PRKAA1: variants seen among roughly 807,000 people sequenced by gnomAD.
The protein encoded by PRKAA1 is protein kinase AMP-activated catalytic subunit alpha 1.
A neutral mutation model predicts 56.9 loss-of-function variants in PRKAA1; 23 were observed. That is an observed-to-expected ratio of 0.40 (90% CI 0.29 to 0.57). The LOEUF is 0.57. PRKAA1 is among the 20% of genes least tolerant of loss of function. The pLI is 0.39. For missense variants in PRKAA1, 413 were observed against 679.7 expected (o/e 0.61, Z 4.36); for synonymous variants, 226 against 227.0 (o/e 1.00, Z 0.04).
At chr5:40,797,945 G>A (rs1561194681) in intron 1 of PRKAA1, 118 bp downstream of exon 1, 3 of 1,488,386 alleles carry the variant, frequency 2.0e-6, no homozygotes, top group South Asian at 1.2e-5. Flanking sequence ...TCCGGGACAG[G>A]GGCTGCCCAG....
At chr5:40,781,120 G>A (rs1744250452) in intron 1 of PRKAA1, among the ~76,000 whole-genome samples, 1 of 152,132 alleles carries the variant, frequency 6.6e-6, no homozygotes, top group Non-Finnish European at 1.5e-5. Flanking sequence ...TTGGCTTTCA[G>A]CATTTCAACA....
intron 1 of PRKAA1, among the ~76,000 whole-genome samples, chr5:40,786,831 C>T (rs1186148000): frequency 6.9e-6 from 1 of 144,486 alleles, no homozygotes; most frequent in African/African-American, 2.6e-5. Flanking sequence ...TGGTGGTGCA[C>T]GCCTGTAATC....
At chr5:40,774,971 T>C in intron 3 of PRKAA1, 1 of 1,600,646 alleles carries the variant, frequency 6.2e-7, no homozygotes, top group Non-Finnish European at 8.6e-7. Flanking sequence ...TACATCAGAT[T>C]TCTGAAACCA....
At chr5:40,768,031 T>A (rs960644173) in intron 5 of PRKAA1, among the ~76,000 whole-genome samples, 1 of 152,186 alleles carries the variant, frequency 6.6e-6, no homozygotes, top group Non-Finnish European at 1.5e-5. Flanking sequence ...TTTCATCAAC[T>A]GAGAATGTTC....
intron 4 of PRKAA1, among the ~76,000 whole-genome samples, chr5:40,770,985 T>A (rs1296609766): frequency 6.6e-6 from 1 of 152,072 alleles, no homozygotes; most frequent in Non-Finnish European, 1.5e-5. Context: ...TAAATTTTTT[T>A]AATTAAAAAA....
intron 1 of PRKAA1, among the ~76,000 whole-genome samples, chr5:40,790,972 T>C (rs1254523475): frequency 1.3e-5 from 2 of 152,232 alleles, no homozygotes; most frequent in African/African-American, 2.4e-5. Flanking sequence ...TAAGAGATTC[T>C]GTAAGTTGTG....
intron 1 of PRKAA1, among the ~76,000 whole-genome samples, chr5:40,780,195 T>C (rs967525718): frequency 1.3e-5 from 2 of 152,206 alleles, no homozygotes; most frequent in African/African-American, 2.4e-5. Flanking sequence ...TGCTTGGCCA[T>C]TGCAATTAAG....
At chr5:40,766,393 CA>C (rs1743436003) in intron 6 of PRKAA1, among the ~76,000 whole-genome samples, 3 of 151,838 alleles carry the variant, frequency 2.0e-5, no homozygotes, top group Admixed American at 2.0e-4. Flanking sequence ...AAAATTTCCA[CA>C]GGGGGGAAAA....
intron 5 of PRKAA1, chr5:40,769,010 AT>A: frequency 9.3e-7 from 1 of 1,073,602 alleles, no homozygotes; most frequent in Non-Finnish European, 1.4e-6. Context: ...TCCCCAAGAC[AT>A]TTTATCATGA....
At chr5:40,778,618 G>A (rs1744125743) in intron 1 of PRKAA1, among the ~76,000 whole-genome samples, 1 of 151,884 alleles carries the variant, frequency 6.6e-6, no homozygotes, top group Non-Finnish European at 1.5e-5. Context: ...GCATTATATA[G>A]TCAGATACAG....
In PRKAA1 at chr5:40,762,671, C is replaced by A. The variant is rs1743243631; in HGVS notation, c.*107G>T. 7.0e-7 allele frequency: 1 copy of A among 1,418,616 alleles called. No individual in the cohort carries two copies. Among genetic ancestry groups the A allele is most frequent in the Admixed American group, 2.2e-5 (1 of 44,466 alleles). 87.9% of individuals were successfully genotyped at this position (1,418,616 alleles called of 1,614,324 possible). A position where few individuals can be genotyped will look rare whatever the true frequency, so the allele number is the denominator to read the frequency against. Reference sequence around the variant, plus strand: ...CCTGTGCAAATTGCATTCCAAAACGCCAGCCCTCGGTTATAATTATGTATA... The same window carrying A: ...CCTGTGCAAATTGCATTCCAAAACGACAGCCCTCGGTTATAATTATGTATA... On this transcript the variant is annotated 3_prime_UTR_variant, in exon 9 of 9. Transcript: ENST00000397128.
chr5:40,763,078 T>C, intron 8 of PRKAA1, 56 bp from the exon 9 acceptor site: 1 of 1,579,444 alleles, frequency 6.3e-7, no homozygotes, highest in Non-Finnish European at 8.7e-7. Flanking sequence ...CAAAAATTTT[T>C]GTAACAGTAT....
At chr5:40,773,935 T>G in intron 3 of PRKAA1, among the ~76,000 whole-genome samples, 1 of 152,198 alleles carries the variant, frequency 6.6e-6, no homozygotes, top group East Asian at 1.9e-4. Context: ...ACATACTAAC[T>G]AGTGAGACTT....
chr5:40,777,414 C>T, intron 2 of PRKAA1, 31 bp downstream of exon 2: 1 of 1,547,540 alleles, frequency 6.5e-7, no homozygotes, highest in Non-Finnish European at 8.8e-7. Flanking sequence ...GAAAAGATGA[C>T]TGGACTATAT....
intron 1 of PRKAA1, among the ~76,000 whole-genome samples, chr5:40,795,035 A>ACACACACACAC (rs1561192154): frequency 1.3e-5 from 2 of 151,750 alleles, no homozygotes; most frequent in Non-Finnish European, 1.5e-5. Flanking sequence ...ACACACACAC[A>ACACACACACAC]AAATGGAATA....
In PRKAA1 at chr5:40,775,454, CA is replaced by C. The variant is rs1321250108; in HGVS notation, c.318del (p.Tyr106Ter). The C allele has an allele frequency of 1.2e-6, 2 of 1,608,630 alleles. No homozygotes were observed. On this transcript the variant is annotated frameshift_variant, in exon 3 of 9. Transcript: ENST00000397128. LOFTEE classifies it high-confidence loss of function. ...TAATCAAATAGCTCTCCTCCTGAGA[CA>C]TATTCCATCACCATGAAAATATCAG... ...TPSDIFMVME[Y>X]VSGGELFDYI...
At position 40,760,292 on chromosome 5, in the gene PRKAA1, G is replaced by C. The variant is rs1743123076; in HGVS notation, c.*2486C>G. ...CTGTGCATTTATCATACTATTTATA[G>C]AAGTGCAATATTTAAATATTTTCAA... is the stretch of plus-strand genomic sequence containing the variant. On this transcript the variant is annotated 3_prime_UTR_variant, in exon 9 of 9. Transcript: ENST00000397128. 6.6e-6 allele frequency: 1 copy of C among 152,562 alleles called. No individual in the cohort carries two copies. Among genetic ancestry groups the C allele is most frequent in the Admixed American group, 6.5e-5 (1 of 15,270 alleles). The allele number at this position is 152,562 out of a possible 1,614,324, so 9.5% of individuals were successfully genotyped here.
chr5:40,775,399 G>C lies in PRKAA1; in HGVS notation c.363+11C>G, dbSNP rs1393171148. On this transcript the variant is annotated intron_variant, in intron 3 of 8. Coordinates refer to ENST00000397128, the MANE Select transcript of PRKAA1 (RefSeq NM_006251.6). ...ACAAAATACATACAGAATTAAAGCA[G>C]AACAGCTTACCCTTCCATTCTTACA... 4 of 1,570,594 alleles carry C rather than the reference G, an allele frequency of 2.5e-6. No individual in the cohort carries two copies. The highest frequency in any genetic ancestry group is 1.7e-5 in the Admixed American group (1 of 59,838).
chr5:40,797,905 C>T (rs1174588117), intron 1 of PRKAA1, among the ~76,000 whole-genome samples, 158 bp downstream of exon 1: 2 of 151,974 alleles, frequency 1.3e-5, no homozygotes, highest in Non-Finnish European at 2.9e-5. Context: ...CGCCGCAGCC[C>T]CGCGGCGGCT....
Sources: allele counts gnomAD v4.1 joint callset (sites outside exome capture counted in the v4.1 genomes callset), GRCh38; gene constraint gnomAD v4.1.1; transcripts MANE v1.5; gene names NCBI Gene and HGNC (gene_info 2026-07-23, HGNC 2026-07-21).